The following CREB3L3 variants were observed in gnomAD, a reference collection of about 807,000 sequenced individuals.
CREB3L3 encodes cAMP responsive element binding protein 3 like 3.
A neutral mutation model predicts 44.6 loss-of-function variants in CREB3L3; 40 were observed. The ratio of observed to expected loss-of-function variants is 0.90; its 90% CI spans 0.70 to 1.17. CREB3L3 has a LOEUF of 1.17. CREB3L3 is among the 50% of genes most tolerant of loss of function. The pLI, the probability that CREB3L3 is intolerant of heterozygous loss-of-function variation, is 0.00. For missense variants in CREB3L3, 578 were observed against 595.8 expected (o/e 0.97, Z 0.31); for synonymous variants, 273 against 256.3 (o/e 1.06, Z -0.62).
At chr19:4,164,327 C>T (rs988866561) in intron 4 of CREB3L3, 176 bp from the exon 5 acceptor site, 12 of 754,362 alleles carry the variant, frequency 1.6e-5, no homozygotes, top group Non-Finnish European at 2.3e-5. Flanking sequence ...AGGCTGGTCT[C>T]GATCTCCTGA....
chr19:4,157,936 C>G (rs755517398), intron 3 of CREB3L3, among the ~76,000 whole-genome samples: 1 of 152,026 alleles, frequency 6.6e-6, no homozygotes. Flanking sequence ...CTGCCCACCT[C>G]AGCCTCCCAA....
chr19:4,157,322 C>T (rs750261679), intron 3 of CREB3L3, 27 bp downstream of exon 3: 13 of 1,611,876 alleles, frequency 8.1e-6, no homozygotes, highest in South Asian at 2.2e-5. Context: ...CTCTGCCCAC[C>T]GCCCTCACCT....
chr19:4,155,111 G>C, intron 2 of CREB3L3, 84 bp downstream of exon 2: 1 of 1,551,770 alleles, frequency 6.4e-7, no homozygotes, highest in South Asian at 1.1e-5. Context: ...AGACCCGCCA[G>C]AGCCCAGCCA....
chr19:4,154,766 G>C, intron 1 of CREB3L3, 133 bp from the exon 2 acceptor site: 1 of 1,299,012 alleles, frequency 7.7e-7, no homozygotes, highest in East Asian at 2.3e-5. Context: ...CTCAGCGAGG[G>C]GCAGCAGCTG....
Position 4,163,207 on chromosome 19 carries a change from C to G in CREB3L3, c.577-1296C>G, listed in dbSNP as rs369001414. ...CCTGTAGTCCCAGCTACTCAGGAGGCTGAGGCAGGAGAATGGCGTGAACCC... is the reference window on the plus strand; with the variant it reads ...CCTGTAGTCCCAGCTACTCAGGAGGGTGAGGCAGGAGAATGGCGTGAACCC... On this transcript the variant is annotated intron_variant, in intron 4 of 9. Transcript: ENST00000078445. 1.2e-4 allele frequency among the ~76,000 whole-genome samples: 18 copies of G among 151,948 alleles called. No homozygotes were observed. In the East Asian group the frequency reaches 3.5e-3, roughly 30 times the overall value.
rs1266357953 is a variant in CREB3L3 at position 4,171,226 on chromosome 19, G to T, written c.975+51G>T. 1.3e-6 allele frequency: 2 copies of T among 1,539,178 alleles called. No homozygotes were observed. The highest frequency in any genetic ancestry group is 1.8e-6 in the Non-Finnish European group (2 of 1,112,196). ...CCGGGGACCTAGGCTTCTGTAGAGGGGCCCATAGGGAGGTGACAATGAGTC... is the reference window on the plus strand; with the variant it reads ...CCGGGGACCTAGGCTTCTGTAGAGGTGCCCATAGGGAGGTGACAATGAGTC... On this transcript the variant is annotated intron_variant, in intron 8 of 9. Coordinates refer to ENST00000078445, the MANE Select transcript of CREB3L3 (RefSeq NM_032607.3). This position sits in a 1 kb window ranked among gnomAD's most constrained non-coding sequence, Gnocchi z 4.9.
In CREB3L3 at chr19:4,172,070, C is replaced by T. The variant is rs1040340129; in HGVS notation, c.*101C>T. 7 of 1,236,116 alleles carry T rather than the reference C, an allele frequency of 5.7e-6. No homozygotes were observed. The African/African-American group carries it at 9.0e-5, about 16-fold the overall frequency. The allele number at this position is 1,236,116 out of a possible 1,614,324, so 76.6% of individuals were successfully genotyped here. A position where few individuals can be genotyped will look rare whatever the true frequency, so the allele number is the denominator to read the frequency against. ...CTGGGGATGGGACGTGAGGCCAAGA[C>T]CCCAGCAGAGATGCCAGAATGGGGG... is the stretch of plus-strand genomic sequence containing the variant. On this transcript the variant is annotated 3_prime_UTR_variant, in exon 10 of 10. Coordinates refer to ENST00000078445, the MANE Select transcript of CREB3L3 (RefSeq NM_032607.3).
Position 4,164,490 on chromosome 19 carries a change from A to T in CREB3L3, c.577-13A>T, listed in dbSNP as rs1020370762. 1 of 1,613,418 alleles carries T rather than the reference A, an allele frequency of 6.2e-7. No homozygotes were observed. On this transcript the variant is annotated splice_polypyrimidine_tract_variant and intron_variant, in intron 4 of 9. Transcript: ENST00000078445. ...CCCTGCACCCGCCGTCATTCCTCTG[A>T]TTTTTTCCGTAGCAACAGCATCACC...
intron 2 of CREB3L3, among the ~76,000 whole-genome samples, chr19:4,156,022 T>C (rs2041567797): frequency 6.6e-6 from 1 of 151,862 alleles, no homozygotes; most frequent in African/African-American, 2.4e-5. Flanking sequence ...GTGCTGGGAT[T>C]ATAGGCGTGA....
At chr19:4,159,268 A>T (rs1456379209) in intron 3 of CREB3L3, among the ~76,000 whole-genome samples, 2 of 151,686 alleles carry the variant, frequency 1.3e-5, no homozygotes, top group Non-Finnish European at 2.9e-5. Context: ...CTCCTGCCTC[A>T]GCCTCCCGAG....
Position 4,157,052 on chromosome 19 carries a change from G to C in CREB3L3, c.214G>C (p.Asp72His). 6.2e-7 allele frequency: 1 copy of C among 1,614,012 alleles called. No individual in the cohort carries two copies. Among genetic ancestry groups the C allele is most frequent in the Non-Finnish European group, 8.5e-7 (1 of 1,180,008 alleles). The change falls in exon 3 of 10, where the codon GAC becomes CAC. Residue 72 changes from aspartate (D) to histidine (H), a missense_variant. Coordinates refer to ENST00000078445, the MANE Select transcript of CREB3L3 (RefSeq NM_032607.3). ...CCTCAGCTCCATCCTGGGCTCTGGA[G>C]ACTCACTGCCCAGCTCCCCACTCTG... ...DFLSSILGSGDSLPSSPLWSP... is the reference protein window; with the variant it reads ...DFLSSILGSGHSLPSSPLWSP...
chr19:4,153,913 G>A, intron 1 of CREB3L3, 139 bp downstream of exon 1: 1 of 1,026,648 alleles, frequency 9.7e-7, no homozygotes. Context: ...GATGCAATGA[G>A]CAAAACTGTG....
In CREB3L3 at chr19:4,154,849, G is replaced by C. The variant is rs4081614; in HGVS notation, c.28-50G>C. 10 of 1,612,380 alleles carry C rather than the reference G, an allele frequency of 6.2e-6. No homozygotes were observed. The South Asian group carries it at 7.7e-5, about 12-fold the overall frequency. ...CAGGGTTATGTGCACATGGGAGGTG[G>C]GGAGGACAGGGGCTGTATGTGACCC... On this transcript the variant is annotated intron_variant, in intron 1 of 9. Coordinates refer to ENST00000078445, the MANE Select transcript of CREB3L3 (RefSeq NM_032607.3).
rs2145146825 is a variant in CREB3L3 at position 4,172,028 on chromosome 19, A to ACCC, written c.*60_*61insCCC. 3.4e-6 allele frequency: 5 copies of ACCC among 1,472,752 alleles called. No individual in the cohort carries two copies. In the East Asian group the frequency reaches 1.2e-4, roughly 36 times the overall value. The allele number at this position is 1,472,752 out of a possible 1,614,324, so 91.2% of individuals were successfully genotyped here. On this transcript the variant is annotated 3_prime_UTR_variant, in exon 10 of 10. Coordinates refer to ENST00000078445, the MANE Select transcript of CREB3L3 (RefSeq NM_032607.3). ...CCCAGGGGTGCCTTGGGGATGCTGC[A>ACCC]CTGGGCAGCTACCCACCTGGGGATG...
chr19:4,160,886 G>A (rs1160145369), intron 4 of CREB3L3, among the ~76,000 whole-genome samples: 5 of 136,890 alleles, frequency 3.7e-5, no homozygotes, highest in African/African-American at 8.4e-5. Flanking sequence ...GGAGCATGCC[G>A]CGCCACCTGT....
At chr19:4,158,925 G>C (rs985108043) in intron 3 of CREB3L3, among the ~76,000 whole-genome samples, 7 of 152,170 alleles carry the variant, frequency 4.6e-5, no homozygotes, top group African/African-American at 1.7e-4. Flanking sequence ...TGCTGGGACA[G>C]CATGCCTACT....
intron 4 of CREB3L3, among the ~76,000 whole-genome samples, chr19:4,160,625 G>A (rs182275684): frequency 4.0e-4 from 60 of 151,634 alleles, no homozygotes; most frequent in Middle Eastern, 3.4e-3. Flanking sequence ...GTGCAATCTC[G>A]GATCACTGCC....
chr19:4,171,563 T>C lies in CREB3L3; in HGVS notation c.1072+84T>C. 1 of 1,599,338 alleles carries C rather than the reference T, an allele frequency of 6.3e-7. No homozygotes were observed. The highest frequency in any genetic ancestry group is 1.3e-5 in the African/African-American group (1 of 74,674). On this transcript the variant is annotated intron_variant, in intron 9 of 9. Transcript: ENST00000078445. The surrounding 1 kb of genome is among the most constrained non-coding windows in gnomAD (Gnocchi z 4.9). ...CTCTGGGGGAGGGGGAGAAGACCCCTGTGCCCTTGTTCCCTGAGGCTGGGG... is the reference window on the plus strand; with the variant it reads ...CTCTGGGGGAGGGGGAGAAGACCCCCGTGCCCTTGTTCCCTGAGGCTGGGG...
intron 4 of CREB3L3, among the ~76,000 whole-genome samples, chr19:4,160,823 T>C (rs1043094276): frequency 2.0e-5 from 3 of 151,396 alleles, no homozygotes; most frequent in Non-Finnish European, 4.4e-5. Context: ...AAGCTCCGCC[T>C]ACCGGGTTCA....
Sources: allele counts gnomAD v4.1 joint callset (sites outside exome capture counted in the v4.1 genomes callset), GRCh38; gene constraint gnomAD v4.1.1; non-coding constraint Gnocchi (gnomAD v3.1); transcripts MANE v1.5; gene names NCBI Gene and HGNC (gene_info 2026-07-23, HGNC 2026-07-21).